PEAK1: variants seen among roughly 807,000 people sequenced by gnomAD.
The protein encoded by PEAK1 is pseudopodium enriched atypical kinase 1.
A neutral mutation model predicts 124.7 loss-of-function variants in PEAK1; 54 were observed. The ratio of observed to expected loss-of-function variants is 0.43; its 90% CI spans 0.35 to 0.54. The LOEUF (loss-of-function observed/expected upper bound fraction) is 0.54, where lower values mean the gene tolerates loss of function less well. PEAK1 is among the 20% of genes least tolerant of loss of function. PEAK1 has a pLI of 0.01. For missense variants in PEAK1, 2,046 were observed against 2,134.5 expected (o/e 0.96, Z 0.82); for synonymous variants, 719 against 760.0 (o/e 0.95, Z 0.89).
At chr15:77,333,723 C>A in intron 2 of PEAK1, 1 of 966,732 alleles carries the variant, frequency 1.0e-6, no homozygotes, top group Non-Finnish European at 1.2e-6. Flanking sequence ...AATGGCTTCA[C>A]TATCATACAT....
chr15:77,242,791 T>C (rs2060416758), intron 6 of PEAK1, among the ~76,000 whole-genome samples: 1 of 152,202 alleles, frequency 6.6e-6, no homozygotes, highest in Non-Finnish European at 1.5e-5. Context: ...TCAAAATCCA[T>C]GTATGCTTTC....
At chr15:77,175,939 T>A (rs1321720989) in intron 7 of PEAK1, among the ~76,000 whole-genome samples, 2 of 152,196 alleles carry the variant, frequency 1.3e-5, no homozygotes, top group African/African-American at 2.4e-5. Context: ...AATGATGAGT[T>A]CATGTCCTTT....
chr15:77,332,057 C>A (rs1423375322), intron 2 of PEAK1: 5 of 441,784 alleles, frequency 1.1e-5, no homozygotes, highest in African/African-American at 8.7e-5. Flanking sequence ...GCCAACATGG[C>A]GAAACTGTCT....
intron 8 of PEAK1, among the ~76,000 whole-genome samples, chr15:77,152,434 A>G (rs1209645483): frequency 6.6e-6 from 1 of 152,072 alleles, no homozygotes; most frequent in African/African-American, 2.4e-5. Context: ...TCATCTGCAA[A>G]CAGGGACAAT....
At chr15:77,285,559 T>C (rs2152973017) in intron 3 of PEAK1, among the ~76,000 whole-genome samples, 1 of 152,330 alleles carries the variant, frequency 6.6e-6, no homozygotes. Flanking sequence ...GATATGAGTC[T>C]GAATCCCAAC....
intron 5 of PEAK1, among the ~76,000 whole-genome samples, chr15:77,265,128 G>A (rs1421966110): frequency 6.6e-6 from 1 of 151,996 alleles, no homozygotes; most frequent in Non-Finnish European, 1.5e-5. Context: ...AGACTTAAAC[G>A]TTAGACCTAA....
At chr15:77,343,482 C>CTTTTTT (rs60121928) in intron 2 of PEAK1, among the ~76,000 whole-genome samples, 1 of 97,954 alleles carries the variant, frequency 1.0e-5, no homozygotes, top group Non-Finnish European at 2.1e-5. Context: ...GTCCAACTTA[C>CTTTTTT]TTTTTTTTTT....
chr15:77,320,645 T>C (rs2065143273), intron 2 of PEAK1, among the ~76,000 whole-genome samples: 1 of 152,182 alleles, frequency 6.6e-6, no homozygotes, highest in Non-Finnish European at 1.5e-5. Context: ...TAAGACTTTA[T>C]TTATTTTTTT....
At chr15:77,190,769 G>A (rs1029035907) in intron 6 of PEAK1, among the ~76,000 whole-genome samples, 2 of 152,132 alleles carry the variant, frequency 1.3e-5, no homozygotes, top group African/African-American at 4.8e-5. Context: ...TTTCAATACC[G>A]TAGAAAGAAA....
intron 6 of PEAK1, among the ~76,000 whole-genome samples, chr15:77,187,677 C>T (rs916872245): frequency 1.3e-5 from 2 of 152,174 alleles, no homozygotes; most frequent in South Asian, 2.1e-4. Context: ...CTGTGACTCC[C>T]GAAGCCCACC....
At chr15:77,330,070 A>C (rs2065808319) in intron 2 of PEAK1, among the ~76,000 whole-genome samples, 1 of 152,342 alleles carries the variant, frequency 6.6e-6, no homozygotes, top group South Asian at 2.1e-4. Context: ...TCAAGAAAAA[A>C]TACAAAAAAG....
intron 8 of PEAK1, 152 bp downstream of exon 8, chr15:77,158,351 C>T (rs922782940): frequency 2.2e-5 from 15 of 683,610 alleles, no homozygotes; most frequent in African/African-American, 7.2e-5. Flanking sequence ...AACATCAGAA[C>T]GTTTTTCTGA....
At chr15:77,337,104 G>T (rs2066252013) in intron 2 of PEAK1, 1 of 982,820 alleles carries the variant, frequency 1.0e-6, no homozygotes, top group African/African-American at 1.7e-5. Flanking sequence ...AACCAATCAA[G>T]ATGCGGGGCT....
At chr15:77,371,884 A>C (rs570650435) in intron 1 of PEAK1, among the ~76,000 whole-genome samples, 9 of 152,322 alleles carry the variant, frequency 5.9e-5, no homozygotes, top group African/African-American at 1.7e-4. Context: ...ACTCTGTCCC[A>C]AAAAAATAAA....
intron 9 of PEAK1, among the ~76,000 whole-genome samples, chr15:77,118,614 T>C (rs552216112): frequency 1.3e-5 from 2 of 152,252 alleles, no homozygotes; most frequent in African/African-American, 2.4e-5. Flanking sequence ...TTATCTTTCT[T>C]GAAAAGAATT....
intron 1 of PEAK1, among the ~76,000 whole-genome samples, chr15:77,386,284 GTTATTA>G (rs2069930450): frequency 6.6e-6 from 1 of 152,166 alleles, no homozygotes; most frequent in South Asian, 2.1e-4. Flanking sequence ...TTATACTGAA[GTTATTA>G]TTAGAATGAG....
chr15:77,345,944 A>G, intron 2 of PEAK1: 1 of 985,316 alleles, frequency 1.0e-6, no homozygotes, highest in South Asian at 4.7e-5. Flanking sequence ...TATAGCACAT[A>G]GCAATGGCAA....
In PEAK1 at chr15:77,114,200, T is replaced by A; in HGVS notation, c.5197A>T (p.Thr1733Ser). The A allele has an allele frequency of 6.2e-7, 1 of 1,614,212 alleles. No individual in the cohort carries two copies. Among genetic ancestry groups the A allele is most frequent in the Non-Finnish European group, 8.5e-7 (1 of 1,180,046 alleles). The change falls in exon 10 of 10, where the codon ACA becomes TCA. Residue 1733 changes from threonine to serine, a missense_variant. Transcript: ENST00000682557. ...LCAQYLAFAT[T>S]DSLSCIVKIL... The stretch of plus-strand genomic sequence containing the variant: ...TTCACAATACAACTGAGGGAGTCTG[T>A]AGTGGCAAAAGCCAAATACTGAGCA...
At chr15:77,195,377 G>A (rs971268905) in intron 6 of PEAK1, among the ~76,000 whole-genome samples, 1 of 152,084 alleles carries the variant, frequency 6.6e-6, no homozygotes, top group Admixed American at 6.6e-5. Context: ...GTGGGGAGGA[G>A]ATGAGGAAGT....
Sources: allele counts gnomAD v4.1 joint callset (sites outside exome capture counted in the v4.1 genomes callset), GRCh38; gene constraint gnomAD v4.1.1; transcripts MANE v1.5; gene names NCBI Gene and HGNC (gene_info 2026-07-23, HGNC 2026-07-21).